PRH1: variants seen among roughly 807,000 people sequenced by gnomAD.
PRH1 encodes salivary acidic proline-rich phosphoprotein 1/2.
In PRH1, 7 loss-of-function variants were observed where a neutral mutation model predicts 7.9. That is an observed-to-expected ratio of 0.89 (90% CI 0.50 to 1.67). The LOEUF (loss-of-function observed/expected upper bound fraction) is 1.67. Ranked by LOEUF, PRH1 falls within the 40% of genes most tolerant of loss-of-function variation. The probability of loss-of-function intolerance (pLI) is 0.00; values close to 1 mark genes in which losing one functional copy is unlikely to be tolerated. For synonymous variants in PRH1, 45 were observed against 80.8 expected (o/e 0.56, Z 2.38); for missense variants, 109 against 223.6 (o/e 0.49, Z 3.27).
intron 2 of PRH1, among the ~76,000 whole-genome samples, chr12:10,956,458 C>A (rs1937965080): frequency 1.3e-5 from 2 of 152,094 alleles, no homozygotes; most frequent in Non-Finnish European, 2.9e-5. Flanking sequence ...AACCCACAGC[C>A]AATATCATAC....
At chr12:10,909,029 T>C (rs747309019) in intron 2 of PRH1, 2 of 1,613,722 alleles carry the variant, frequency 1.2e-6, no homozygotes, top group Admixed American at 1.7e-5. Context: ...GATTAGAAAC[T>C]ATCCAGCTAA....
chr12:10,997,810 A>C, intron 1 of PRH1: 1 of 1,612,934 alleles, frequency 6.2e-7, no homozygotes, highest in Admixed American at 1.7e-5. Context: ...AGCCATTGGC[A>C]AAATTTCCAA....
chr12:11,062,526 A>C (rs1193194147), intron 1 of PRH1, among the ~76,000 whole-genome samples: 1 of 152,082 alleles, frequency 6.6e-6, no homozygotes, highest in Non-Finnish European at 1.5e-5. Flanking sequence ...AAACAACTCA[A>C]ATTAACCCAT....
chr12:11,094,341 C>A (rs1945024234), intron 1 of PRH1, among the ~76,000 whole-genome samples: 1 of 99,630 alleles, frequency 1.0e-5, no homozygotes, highest in African/African-American at 3.4e-5. Flanking sequence ...CGTCAAACGA[C>A]ATGTGAGATA....
At chr12:11,170,742 C>T (rs1022833782) in intron 1 of PRH1, among the ~76,000 whole-genome samples, 13 of 152,106 alleles carry the variant, frequency 8.5e-5, no homozygotes, top group African/African-American at 1.7e-4. Flanking sequence ...GCGTGTGTGT[C>T]CACTAGTTTT....
chr12:10,926,420 G>A (rs767548969), intron 2 of PRH1, among the ~76,000 whole-genome samples: 4 of 152,092 alleles, frequency 2.6e-5, no homozygotes, highest in Non-Finnish European at 5.9e-5. Context: ...GAGAGCTTCC[G>A]GGTCTTCAAA....
At chr12:11,142,486 T>A (rs952522767) in intron 1 of PRH1, among the ~76,000 whole-genome samples, 3 of 152,196 alleles carry the variant, frequency 2.0e-5, no homozygotes, top group African/African-American at 7.2e-5. Context: ...GAACTCACAT[T>A]ACAGTAGACA....
At chr12:11,171,262 C>A in intron 1 of PRH1, 2 of 838,184 alleles carry the variant, frequency 2.4e-6, no homozygotes, top group Non-Finnish European at 1.6e-6. Flanking sequence ...AGCCGCTTTG[C>A]TTACCGTCCT....
At chr12:10,906,369 A>G (rs2135818808) in intron 2 of PRH1, among the ~76,000 whole-genome samples, 1 of 152,342 alleles carries the variant, frequency 6.6e-6, no homozygotes, top group African/African-American at 2.4e-5. Context: ...TGATTATTGA[A>G]CTTCATTAAA....
chr12:10,965,031 G>C, intron 2 of PRH1: 1 of 918,454 alleles, frequency 1.1e-6, no homozygotes, highest in Non-Finnish European at 1.7e-6. Flanking sequence ...GCAATCTTGA[G>C]GAAATAAAAT....
At chr12:11,160,164 A>G (rs1328467853) in intron 1 of PRH1, among the ~76,000 whole-genome samples, 1 of 152,208 alleles carries the variant, frequency 6.6e-6, no homozygotes, top group Non-Finnish European at 1.5e-5. Context: ...ATTGTTAGAA[A>G]TAACATTTAT....
chr12:11,067,271 CAT>C (rs1226433781), intron 1 of PRH1, among the ~76,000 whole-genome samples: 5 of 152,154 alleles, frequency 3.3e-5, no homozygotes, highest in Admixed American at 2.6e-4. Context: ...CAGGTGTACA[CAT>C]GATTAGTATT....
At chr12:11,040,473 C>T (rs1010556311) in intron 1 of PRH1, among the ~76,000 whole-genome samples, 6 of 152,086 alleles carry the variant, frequency 3.9e-5, no homozygotes, top group South Asian at 2.1e-4. Context: ...GAACAGAAAA[C>T]CAAACACCAC....
chr12:10,986,866 A>T, intron 1 of PRH1: 1 of 1,498,412 alleles, frequency 6.7e-7, no homozygotes, highest in Admixed American at 2.4e-5. Context: ...ATCATATCTG[A>T]GCAGAAAAAA....
intron 2 of PRH1, among the ~76,000 whole-genome samples, chr12:10,959,646 T>C (rs969305785): frequency 6.6e-6 from 1 of 152,170 alleles, no homozygotes; most frequent in African/African-American, 2.4e-5. Flanking sequence ...TCTTCACTTA[T>C]ATCATTATCT....
At chr12:10,959,420 T>C (rs904710865) in intron 2 of PRH1, among the ~76,000 whole-genome samples, 1 of 151,938 alleles carries the variant, frequency 6.6e-6, no homozygotes, top group African/African-American at 2.4e-5. Flanking sequence ...AGTAAGGCCA[T>C]GAGTAGATGA....
intron 2 of PRH1, among the ~76,000 whole-genome samples, chr12:10,954,963 G>GA (rs1937878981): frequency 6.6e-6 from 1 of 152,074 alleles, no homozygotes; most frequent in Non-Finnish European, 1.5e-5. Context: ...AAAAGATTTA[G>GA]AAAATCACAC....
intron 1 of PRH1, among the ~76,000 whole-genome samples, chr12:10,995,586 A>G (rs2136003630): frequency 6.6e-6 from 1 of 152,254 alleles, no homozygotes; most frequent in Non-Finnish European, 1.5e-5. Context: ...GATTTCATAG[A>G]TGCCATAGTT....
intron 2 of PRH1, chr12:10,909,157 G>C: frequency 1.9e-6 from 3 of 1,613,974 alleles, no homozygotes; most frequent in Non-Finnish European, 2.5e-6. Flanking sequence ...AAGATAATGA[G>C]GAGTTTATCG....
Sources: gnomAD v4.1 joint callset for allele counts (sites outside exome capture counted in the v4.1 genomes callset) on GRCh38, gnomAD v4.1.1 for gene constraint, MANE v1.5 for transcripts, NCBI Gene and HGNC (gene_info 2026-07-23, HGNC 2026-07-21) for gene names.